RNF220: variants seen among roughly 807,000 people sequenced by gnomAD.
The protein encoded by RNF220 is ring finger protein 220, also known as E3 ubiquitin-protein ligase RNF220.
In RNF220, 7 loss-of-function variants were observed where a neutral mutation model predicts 67.1. The observed-to-expected ratio is 0.10, with a 90% confidence interval of 0.06 to 0.20. The LOEUF is 0.20. Ranked by LOEUF, RNF220 falls within the 10% of genes least tolerant of loss-of-function variation. The probability of loss-of-function intolerance (pLI) is 1.00; values close to 1 mark genes in which losing one functional copy is unlikely to be tolerated. For synonymous variants in RNF220, 270 were observed against 283.2 expected (o/e 0.95, Z 0.47); for missense variants, 565 against 740.3 (o/e 0.76, Z 2.75).
chr1:44,594,292 T>A (rs1000841547), intron 2 of RNF220, among the ~76,000 whole-genome samples: 4 of 151,888 alleles, frequency 2.6e-5, no homozygotes, highest in African/African-American at 9.7e-5. Context: ...GTTACTTCAT[T>A]CCCTCCTCCT....
At chr1:44,549,028 A>G (rs574309462) in intron 2 of RNF220, among the ~76,000 whole-genome samples, 2 of 152,158 alleles carry the variant, frequency 1.3e-5, no homozygotes, top group Non-Finnish European at 2.9e-5. Context: ...CTCTACTAAA[A>G]ATACAAAAAT....
intron 2 of RNF220, among the ~76,000 whole-genome samples, chr1:44,581,966 C>A (rs901718589): frequency 1.3e-5 from 2 of 152,176 alleles, no homozygotes; most frequent in African/African-American, 4.8e-5. Context: ...CCCACCAGCA[C>A]CAGCATCTAT....
chr1:44,452,015 A>C (rs1652740598), intron 2 of RNF220, among the ~76,000 whole-genome samples: 6 of 152,184 alleles, frequency 3.9e-5, no homozygotes, highest in Admixed American at 3.9e-4. Context: ...ATATGTTTTA[A>C]ATTTTCCTTT....
chr1:44,649,916 TGTTGGCACGTGCACTGC>T lies in RNF220; in HGVS notation c.1590_1606del (p.Cys530Ter). ...CTCGATGCCCCTAACGTCCATCCAG[TGTTGGCACGTGCACTGC>T]GAGGAGTGCTGGCTGCGGACCCTGG... On this transcript the variant is annotated frameshift_variant, in exon 14 of 15. Coordinates refer to ENST00000361799, the MANE Select transcript of RNF220 (RefSeq NM_018150.4). LOFTEE classifies it high-confidence loss of function. The surrounding 1 kb of genome is among the most constrained non-coding windows in gnomAD (Gnocchi z 5.9). The T allele has an allele frequency of 6.2e-7, 1 of 1,613,994 alleles. No individual in the cohort carries two copies.
chr1:44,474,420 T>C (rs1212865816), intron 2 of RNF220, among the ~76,000 whole-genome samples: 1 of 116,744 alleles, frequency 8.6e-6, no homozygotes, highest in African/African-American at 3.4e-5. Flanking sequence ...ATAATAATAA[T>C]AATAGGCTGG....
intron 12 of RNF220, among the ~76,000 whole-genome samples, chr1:44,647,340 CCTT>C (rs1557480422): frequency 6.6e-6 from 1 of 152,184 alleles, no homozygotes; most frequent in Non-Finnish European, 1.5e-5. Flanking sequence ...ATCCTTGTCT[CCTT>C]ATCAGGAATT....
rs57476538 is a variant in RNF220, at chr1:44,624,219, C to G, written c.804+1432C>G. ...AGCGAGCTACACTCACTGAGTGTGG[C>G]CCAGCCTGCAGCATTTAATGGTGTG... On this transcript the variant is annotated intron_variant, in intron 4 of 14. Coordinates refer to ENST00000361799, the MANE Select transcript of RNF220 (RefSeq NM_018150.4). The surrounding 1 kb of genome is among the most constrained non-coding windows in gnomAD (Gnocchi z 4.2). Among the ~76,000 whole-genome samples the G allele has an allele frequency of 0.032, 4,838 of 152,266 alleles. 253 individuals are homozygous for G. Among genetic ancestry groups the G allele is most frequent in the African/African-American group, 0.11 (4,605 of 41,536 alleles).
At chr1:44,502,052 A>ACAC (rs1657945955) in intron 2 of RNF220, among the ~76,000 whole-genome samples, 2 of 121,772 alleles carry the variant, frequency 1.6e-5, no homozygotes, top group Non-Finnish European at 3.4e-5. Context: ...ACACCACTGA[A>ACAC]ACACACACAC....
At chr1:44,500,251 A>G (rs1003137848) in intron 2 of RNF220, among the ~76,000 whole-genome samples, 3 of 152,066 alleles carry the variant, frequency 2.0e-5, no homozygotes, top group Non-Finnish European at 4.4e-5. Flanking sequence ...TTGGGTCTCC[A>G]CCTTAGCCTT....
chr1:44,523,314 G>C (rs190265305), intron 2 of RNF220, among the ~76,000 whole-genome samples: 358 of 152,286 alleles, frequency 2.4e-3, no homozygotes, highest in African/African-American at 7.8e-3. Flanking sequence ...GGAAGGGTCT[G>C]GGCAGGCCCC....
At chr1:44,560,281 T>A (rs1226210888) in intron 2 of RNF220, among the ~76,000 whole-genome samples, 3 of 152,092 alleles carry the variant, frequency 2.0e-5, no homozygotes, top group African/African-American at 7.2e-5. Context: ...CCAGTTCAGA[T>A]GTTGGAAGGG....
intron 2 of RNF220, among the ~76,000 whole-genome samples, chr1:44,487,412 A>T (rs918280483): frequency 6.2e-5 from 9 of 145,310 alleles, no homozygotes; most frequent in Non-Finnish European, 8.8e-5. Flanking sequence ...GCTGCAACAG[A>T]AGTAAGGACT....
intron 2 of RNF220, among the ~76,000 whole-genome samples, chr1:44,540,616 G>A (rs2148220444): frequency 6.6e-6 from 1 of 152,288 alleles, no homozygotes; most frequent in East Asian, 1.9e-4. Context: ...CAAGAGAACA[G>A]CAAAGCTCTG....
intron 2 of RNF220, among the ~76,000 whole-genome samples, chr1:44,493,368 G>A (rs909650261): frequency 1.3e-5 from 2 of 152,038 alleles, no homozygotes; most frequent in Admixed American, 1.3e-4. Flanking sequence ...ACGAAAATTA[G>A]CCAGGCATGG....
chr1:44,563,082 G>A (rs1295918827), intron 2 of RNF220, among the ~76,000 whole-genome samples: 1 of 152,210 alleles, frequency 6.6e-6, no homozygotes, highest in Non-Finnish European at 1.5e-5. Flanking sequence ...ACCCAGAGGG[G>A]GATGCACTTA....
chr1:44,539,582 A>G (rs983117047), intron 2 of RNF220, among the ~76,000 whole-genome samples: 21 of 152,202 alleles, frequency 1.4e-4, no homozygotes, highest in African/African-American at 4.8e-4. Flanking sequence ...GTATGGAAGG[A>G]CATTACAGGA....
rs759536506 is a variant in RNF220 at position 44,412,343 on chromosome 1, T to C, written c.246T>C (p.Thr82=). 2 of 1,614,186 alleles carry C rather than the reference T, an allele frequency of 1.2e-6. No homozygotes were observed. The change falls in exon 2 of 15, where the codon ACT becomes ACC. Residue 82 remains threonine (T), a synonymous_variant. Transcript: ENST00000361799. The surrounding 1 kb of genome is among the most constrained non-coding windows in gnomAD (Gnocchi z 5.3). ...ATCGGCAAGGTGGGGTGCCAGGCAC[T>C]TTTGCCAATCGTGATTTCCCCCCTT... is the stretch of plus-strand genomic sequence containing the variant. ...MYHRQGGVPG[T]FANRDFPPSL...
intron 2 of RNF220, among the ~76,000 whole-genome samples, chr1:44,488,030 C>A (rs1254955938): frequency 6.6e-6 from 1 of 150,702 alleles, no homozygotes; most frequent in African/African-American, 2.4e-5. Flanking sequence ...AGTGCAGTGG[C>A]ATGATCACAG....
intron 2 of RNF220, among the ~76,000 whole-genome samples, chr1:44,445,630 A>G (rs1270371910): frequency 6.6e-6 from 1 of 151,714 alleles, no homozygotes; most frequent in African/African-American, 2.4e-5. Flanking sequence ...TTTACTCTTA[A>G]TTGGGAGAAT....
Sources: gnomAD v4.1 joint callset for allele counts (sites outside exome capture counted in the v4.1 genomes callset) on GRCh38, gnomAD v4.1.1 for gene constraint, Gnocchi (gnomAD v3.1) non-coding constraint, MANE v1.5 for transcripts, NCBI Gene and HGNC (gene_info 2026-07-23, HGNC 2026-07-21) for gene names.